The following ATP8A2 variants were observed in gnomAD, a reference collection of about 807,000 sequenced individuals.
ATP8A2 encodes the protein phospholipid-transporting ATPase IB.
In ATP8A2, 100 loss-of-function variants were observed where a neutral mutation model predicts 165.6. That is an observed-to-expected ratio of 0.60 (90% CI 0.51 to 0.71). The LOEUF (loss-of-function observed/expected upper bound fraction) is 0.71. Ranked by LOEUF, ATP8A2 falls within the 30% of genes least tolerant of loss-of-function variation. ATP8A2 has a pLI of 0.00. For missense variants in ATP8A2, 1,227 were observed against 1,479.5 expected, an observed-to-expected ratio of 0.83 and a Z score of 2.80; for synonymous variants, 543 against 548.8, an observed-to-expected ratio of 0.99 and a Z score of 0.15.
chr13:25,857,560 CT>C (rs869280166), intron 30 of ATP8A2, among the ~76,000 whole-genome samples: 1 of 132,100 alleles, frequency 7.6e-6, no homozygotes, highest in Non-Finnish European at 1.6e-5. Context: ...CTTTTCTTTT[CT>C]TTTTTTTCCT....
chr13:25,556,887 C>T (rs2138088542), intron 13 of ATP8A2, among the ~76,000 whole-genome samples: 1 of 152,278 alleles, frequency 6.6e-6, no homozygotes, highest in East Asian at 1.9e-4. Context: ...CATGTTGCAT[C>T]TCCCCTGCTC....
chr13:25,678,463 G>A (rs1593182623), intron 24 of ATP8A2, among the ~76,000 whole-genome samples: 1 of 143,210 alleles, frequency 7.0e-6, no homozygotes, highest in Non-Finnish European at 1.5e-5. Flanking sequence ...AGATGCCAAG[G>A]TAAATGCCAC....
chr13:25,547,506 C>A (rs1593508121), intron 10 of ATP8A2, among the ~76,000 whole-genome samples: 1 of 152,312 alleles, frequency 6.6e-6, no homozygotes, highest in East Asian at 1.9e-4. Context: ...TCTCCCATCA[C>A]CTGCAGATGG....
At chr13:25,632,970 T>C (rs1229629567) in intron 24 of ATP8A2, among the ~76,000 whole-genome samples, 1 of 152,206 alleles carries the variant, frequency 6.6e-6, no homozygotes, top group Admixed American at 6.5e-5. Flanking sequence ...CTTTTATGCC[T>C]AAGTGACAAA....
intron 25 of ATP8A2, among the ~76,000 whole-genome samples, chr13:25,767,036 A>G (rs1478457716): frequency 6.6e-6 from 1 of 152,174 alleles, no homozygotes; most frequent in Non-Finnish European, 1.5e-5. Context: ...GCACAGGAAA[A>G]TGTCATACTC....
intron 24 of ATP8A2, among the ~76,000 whole-genome samples, chr13:25,643,578 G>T (rs186730350): frequency 3.3e-5 from 5 of 152,122 alleles, no homozygotes; most frequent in African/African-American, 7.2e-5. Context: ...GAAATCAATT[G>T]ACCGTATATG....
At chr13:25,901,866 C>T (rs191017954) in intron 33 of ATP8A2, among the ~76,000 whole-genome samples, 129 of 152,374 alleles carry the variant, frequency 8.5e-4, no homozygotes, top group Non-Finnish European at 1.7e-3. Context: ...ATCCTCACTG[C>T]ATGCCCAAGG....
At chr13:25,888,179 C>T (rs748231992) in intron 33 of ATP8A2, among the ~76,000 whole-genome samples, 1 of 148,700 alleles carries the variant, frequency 6.7e-6, no homozygotes, top group Non-Finnish European at 1.5e-5. Flanking sequence ...GGTTCATGAT[C>T]GCTCTGTAAG....
intron 24 of ATP8A2, among the ~76,000 whole-genome samples, chr13:25,672,117 A>C (rs1457828269): frequency 6.6e-6 from 1 of 152,208 alleles, no homozygotes; most frequent in Non-Finnish European, 1.5e-5. Context: ...ACTGTAGGTC[A>C]TAGAGTCCAT....
At chr13:25,930,287 C>A (rs1467183338) in intron 33 of ATP8A2, among the ~76,000 whole-genome samples, 1 of 152,210 alleles carries the variant, frequency 6.6e-6, no homozygotes, top group Non-Finnish European at 1.5e-5. Flanking sequence ...TACTTAGAAC[C>A]CAGATACCTG....
intron 2 of ATP8A2, among the ~76,000 whole-genome samples, chr13:25,518,633 T>C (rs748740960): frequency 6.6e-6 from 1 of 152,198 alleles, no homozygotes; most frequent in Non-Finnish European, 1.5e-5. Context: ...GGAGAACAGC[T>C]GTCAACTTCA....
chr13:25,821,515 G>T (rs1055916907), intron 27 of ATP8A2, among the ~76,000 whole-genome samples: 18 of 152,218 alleles, frequency 1.2e-4, no homozygotes, highest in Admixed American at 2.6e-4. Context: ...CTTTTTATTT[G>T]AAAAAGAGTA....
At chr13:25,917,519 T>G (rs1954303606) in intron 33 of ATP8A2, among the ~76,000 whole-genome samples, 1 of 152,164 alleles carries the variant, frequency 6.6e-6, no homozygotes, top group Admixed American at 6.5e-5. Context: ...AGAGAAGAGG[T>G]AATCTACCCA....
chr13:25,860,704 G>A, intron 31 of ATP8A2, 100 bp from the exon 32 acceptor site: 1 of 907,446 alleles, frequency 1.1e-6, no homozygotes, highest in Non-Finnish European at 1.8e-6. Context: ...GAGCTGCCTT[G>A]GGGAAGCTAG....
intron 25 of ATP8A2, among the ~76,000 whole-genome samples, chr13:25,716,752 C>A (rs1476429714): frequency 6.6e-6 from 1 of 152,100 alleles, no homozygotes; most frequent in East Asian, 1.9e-4. Context: ...GAACTATGAT[C>A]ATAAACAAGT....
At chr13:25,521,698 A>G (rs1239905167) in intron 2 of ATP8A2, among the ~76,000 whole-genome samples, 1 of 152,078 alleles carries the variant, frequency 6.6e-6, no homozygotes, top group African/African-American at 2.4e-5. Context: ...ATGGCTTTAT[A>G]TCTGGGTTCT....
At chr13:25,973,743 G>T (rs1955964487) in intron 35 of ATP8A2, among the ~76,000 whole-genome samples, 1 of 152,186 alleles carries the variant, frequency 6.6e-6, no homozygotes, top group African/African-American at 2.4e-5. Context: ...CCACTGCCAG[G>T]CTGAGCATGT....
In ATP8A2 at chr13:25,699,280, C is replaced by G. The variant is rs755789803; in HGVS notation, c.2319C>G (p.Leu773=). 4.3e-6 allele frequency: 7 copies of G among 1,613,852 alleles called. No homozygotes were observed. Among genetic ancestry groups the G allele is most frequent in the South Asian group, 2.2e-5 (2 of 90,992 alleles). The change falls in exon 25 of 37, where the codon CTC becomes CTG. Residue 773 remains leucine (L), a synonymous_variant. Coordinates refer to ENST00000381655, the MANE Select transcript of ATP8A2 (RefSeq NM_016529.6). ...IIDGHTLKYA[L]SFEVRRSFLD... ...ATGGCCACACCCTGAAGTACGCGCT[C>G]TCCTTCGAAGTCCGGAGGAGTTTCC...
intron 33 of ATP8A2, among the ~76,000 whole-genome samples, chr13:25,881,391 T>C (rs553727141): frequency 1.1e-4 from 17 of 152,314 alleles, no homozygotes; most frequent in Middle Eastern, 6.8e-3. Flanking sequence ...AAGTTTCTCA[T>C]GTGGGGTTGC....
Sources: allele counts gnomAD v4.1 joint callset (sites outside exome capture counted in the v4.1 genomes callset), GRCh38; gene constraint gnomAD v4.1.1; transcripts MANE v1.5; gene names NCBI Gene and HGNC (gene_info 2026-07-23, HGNC 2026-07-21).